The following GRIN2A variants were observed in gnomAD, a reference collection of about 807,000 sequenced individuals.
GRIN2A encodes glutamate ionotropic receptor NMDA type subunit 2A.
Under a neutral mutation model 113.4 loss-of-function variants are expected in GRIN2A, and 22 were observed. The observed-to-expected ratio is 0.19, with a 90% CI of 0.14 to 0.28. The LOEUF (loss-of-function observed/expected upper bound fraction) is 0.28. Among genes scored for constraint, GRIN2A ranks in the 10% least tolerant of loss-of-function variants. The pLI is 1.00. For missense variants in GRIN2A, 1,502 were observed against 1,887.0 expected (o/e 0.80, Z 3.78); for synonymous variants, 827 against 738.4 (o/e 1.12, Z -1.94).
At chr16:9,944,770 T>A (rs2044977514) in intron 2 of GRIN2A, among the ~76,000 whole-genome samples, 1 of 151,870 alleles carries the variant, frequency 6.6e-6, no homozygotes. Flanking sequence ...CCCCCTAGAG[T>A]GCAAGACTGC....
rs949981876 is a variant in GRIN2A, at chr16:9,761,334, C to T, written c.*1815G>A. The T allele has an allele frequency of 4.4e-6, 1 of 229,022 alleles. No homozygotes were observed. Among genetic ancestry groups the T allele is most frequent in the African/African-American group, 2.2e-5 (1 of 45,100 alleles). The allele number at this position is 229,022 out of a possible 1,614,324, so 14.2% of individuals were successfully genotyped here. On this transcript the variant is annotated 3_prime_UTR_variant, in exon 13 of 13. Coordinates refer to ENST00000330684, the MANE Select transcript of GRIN2A (RefSeq NM_001134407.3). ...AGAAATGGGATAATTTTTCAACCTG[C>T]CACTTTATCCCTTTCTTCAAGAATG...
Position 9,834,348 on chromosome 16 carries a change from T to A in GRIN2A, c.1652-118A>T, listed in dbSNP as rs977746321. The A allele has an allele frequency of 8.9e-6, 8 of 899,948 alleles. No individual in the cohort carries two copies. In the African/African-American group the frequency reaches 1.3e-4, roughly 15 times the overall value. The allele number at this position is 899,948 out of a possible 1,614,324, so 55.7% of individuals were successfully genotyped here. On this transcript the variant is annotated intron_variant, in intron 7 of 12. Coordinates refer to ENST00000330684, the MANE Select transcript of GRIN2A (RefSeq NM_001134407.3). ...AAAAATATTTTCTCTAATTTGAATC[T>A]GATCCTTCAAAAGAAGCTAATCATT...
At chr16:9,794,918 TGAGAAG>T (rs1244532435) in intron 11 of GRIN2A, among the ~76,000 whole-genome samples, 2 of 143,340 alleles carry the variant, frequency 1.4e-5, no homozygotes, top group South Asian at 2.2e-4. Flanking sequence ...ATGGTGATGA[TGAGAAG>T]GAGAAGGATG....
At position 9,763,953 on chromosome 16, in the gene GRIN2A, A is replaced by T. The variant is rs532278751; in HGVS notation, c.3591T>A (p.Gly1197=). ...GCTCGCTGGTCTCACTGTGCGGGGA[A>T]CCCTTGTCTTTCAAGGTGAAGTGCT... ...YSKHFTLKDK[G]SPHSETSERY... The change falls in exon 13 of 13, where the codon GGT becomes GGA. Residue 1197 remains glycine, a synonymous_variant. Coordinates refer to ENST00000330684, the MANE Select transcript of GRIN2A (RefSeq NM_001134407.3). 69 of 1,614,034 alleles carry T rather than the reference A, an allele frequency of 4.3e-5. 1 individual carries two copies. The South Asian group carries it at 7.2e-4, about 17-fold the overall frequency.
chr16:9,934,961 C>T (rs1221383514), intron 3 of GRIN2A, among the ~76,000 whole-genome samples: 2 of 151,958 alleles, frequency 1.3e-5, no homozygotes, highest in Non-Finnish European at 2.9e-5. Flanking sequence ...ACGCTTGATG[C>T]ATTGCTTCTC....
At chr16:9,785,717 G>C (rs983340261) in intron 11 of GRIN2A, among the ~76,000 whole-genome samples, 4 of 151,926 alleles carry the variant, frequency 2.6e-5, no homozygotes, top group African/African-American at 9.7e-5. Flanking sequence ...AAAAGTATAA[G>C]TTTCAATAAA....
intron 2 of GRIN2A, among the ~76,000 whole-genome samples, chr16:9,956,138 G>A (rs2045304252): frequency 6.6e-6 from 1 of 152,164 alleles, no homozygotes; most frequent in Admixed American, 6.5e-5. Flanking sequence ...TAATTTAAAT[G>A]CAACAAGTAG....
At chr16:10,122,469 T>A (rs1339765803) in intron 2 of GRIN2A, among the ~76,000 whole-genome samples, 1 of 152,108 alleles carries the variant, frequency 6.6e-6, no homozygotes, top group Non-Finnish European at 1.5e-5. Flanking sequence ...TCCCAAATCC[T>A]GTAATTGCCT....
intron 2 of GRIN2A, among the ~76,000 whole-genome samples, chr16:10,154,926 A>G (rs1172788134): frequency 6.6e-6 from 1 of 152,242 alleles, no homozygotes; most frequent in Non-Finnish European, 1.5e-5. Flanking sequence ...TGTTGTATAA[A>G]AAACAGAAGG....
chr16:10,111,261 A>G, intron 2 of GRIN2A: 1 of 299,444 alleles, frequency 3.3e-6, no homozygotes, highest in Non-Finnish European at 6.5e-6. Context: ...TGGTTAAATA[A>G]CCACCACTAT....
intron 3 of GRIN2A, among the ~76,000 whole-genome samples, chr16:9,893,976 A>G (rs2043752759): frequency 6.6e-6 from 1 of 152,198 alleles, no homozygotes; most frequent in South Asian, 2.1e-4. Flanking sequence ...GACAGTACCT[A>G]TAATGCCACT....
chr16:10,070,816 G>A (rs1302386227), intron 2 of GRIN2A, among the ~76,000 whole-genome samples: 1 of 152,172 alleles, frequency 6.6e-6, no homozygotes, highest in Non-Finnish European at 1.5e-5. Context: ...CATCTGGACC[G>A]CTTATAGAGA....
At chr16:10,158,910 G>C (rs539906129) in intron 2 of GRIN2A, among the ~76,000 whole-genome samples, 38 of 152,306 alleles carry the variant, frequency 2.5e-4, no homozygotes, top group African/African-American at 9.1e-4. Context: ...TAGAATGGCA[G>C]ATTCTATGTT....
chr16:10,146,887 G>T (rs367658476), intron 2 of GRIN2A, among the ~76,000 whole-genome samples: 3 of 151,932 alleles, frequency 2.0e-5, no homozygotes, highest in African/African-American at 7.3e-5. Flanking sequence ...TCCAGAAGCC[G>T]CATGAGAAAC....
chr16:10,167,451 C>T (rs1550961), intron 2 of GRIN2A, among the ~76,000 whole-genome samples: 1 of 152,050 alleles, frequency 6.6e-6, no homozygotes, highest in African/African-American at 2.4e-5. Flanking sequence ...AAACAATTAA[C>T]CTTTTTCAAG....
intron 4 of GRIN2A, among the ~76,000 whole-genome samples, chr16:9,860,653 A>C (rs1361820363): frequency 6.6e-6 from 1 of 152,086 alleles, no homozygotes; most frequent in East Asian, 1.9e-4. Context: ...TTGTAGCTAG[A>C]AGATTCGGAA....
At chr16:10,056,774 T>C (rs762916388) in intron 2 of GRIN2A, among the ~76,000 whole-genome samples, 1 of 152,106 alleles carries the variant, frequency 6.6e-6, no homozygotes, top group African/African-American at 2.4e-5. Flanking sequence ...AGTTAGAAGA[T>C]GCAGGGGAGG....
chr16:10,101,137 T>C (rs2048386617), intron 2 of GRIN2A, among the ~76,000 whole-genome samples: 1 of 152,214 alleles, frequency 6.6e-6, no homozygotes, highest in African/African-American at 2.4e-5. Flanking sequence ...GCTCCTTTCA[T>C]GGGCAACCTC....
chr16:9,982,045 C>G (rs972394979), intron 2 of GRIN2A, among the ~76,000 whole-genome samples: 1 of 152,176 alleles, frequency 6.6e-6, no homozygotes. Context: ...ACCTCAGCCT[C>G]CCAAAGTGCT....
Sources: gnomAD v4.1 joint callset for allele counts (sites outside exome capture counted in the v4.1 genomes callset) on GRCh38, gnomAD v4.1.1 for gene constraint, MANE v1.5 for transcripts, NCBI Gene and HGNC (gene_info 2026-07-23, HGNC 2026-07-21) for gene names.